The following PRKAG2 variants were observed in gnomAD, a reference collection of about 807,000 sequenced individuals.
PRKAG2 encodes the protein protein kinase AMP-activated non-catalytic subunit gamma 2.
A neutral mutation model predicts 69.6 loss-of-function variants in PRKAG2; 26 were observed. The observed-to-expected ratio is 0.37, with a 90% CI of 0.27 to 0.52. The LOEUF is 0.52. Among genes scored for constraint, PRKAG2 ranks in the 20% least tolerant of loss-of-function variants. The pLI, the probability that PRKAG2 is intolerant of heterozygous loss-of-function variation, is 0.90. For synonymous variants in PRKAG2, 293 were observed against 285.0 expected (o/e 1.03, Z -0.28); for missense variants, 557 against 740.0 (o/e 0.75, Z 2.87).
rs1824914997 is a variant in PRKAG2 at position 151,632,533 on chromosome 7, CGCG to C, written c.685-398_685-396del. The C allele has an allele frequency of 1.0e-6, 1 of 978,670 alleles. No homozygotes were observed. The highest frequency in any genetic ancestry group is 6.2e-5 in the Admixed American group (1 of 16,180). 60.6% of individuals were successfully genotyped at this position (978,670 alleles called of 1,614,324 possible). The stretch of plus-strand genomic sequence containing the variant: ...CGCCGTGCCGCCATTGGGAGAGGCC[CGCG>C]GCCCGCCCCCACTCCGCCCCCCGGC... On this transcript the variant is annotated intron_variant, in intron 4 of 15. Transcript: ENST00000287878. This position sits in a 1 kb window ranked among gnomAD's most constrained non-coding sequence, Gnocchi z 4.2.
intron 3 of PRKAG2, among the ~76,000 whole-genome samples, chr7:151,722,723 A>G (rs1797318343): frequency 6.6e-6 from 1 of 152,098 alleles, no homozygotes; most frequent in African/African-American, 2.4e-5. Flanking sequence ...CCTCCCCACC[A>G]TCAGCCAACA....
At chr7:151,733,449 C>T (rs1052323444) in intron 3 of PRKAG2, among the ~76,000 whole-genome samples, 20 of 152,162 alleles carry the variant, frequency 1.3e-4, no homozygotes, top group Middle Eastern at 3.2e-3. Flanking sequence ...GACAGCCAAC[C>T]GTTAAACACA....
At chr7:151,673,260 T>C (rs1390203576) in intron 4 of PRKAG2, among the ~76,000 whole-genome samples, 2 of 152,214 alleles carry the variant, frequency 1.3e-5, no homozygotes, top group Non-Finnish European at 2.9e-5. Flanking sequence ...TCTTCTTAAA[T>C]GGGGTTATTC....
intron 8 of PRKAG2, 131 bp from the exon 9 acceptor site, chr7:151,572,840 C>T (rs1325143884): frequency 3.4e-5 from 20 of 588,528 alleles, no homozygotes; most frequent in Non-Finnish European, 4.7e-5. Context: ...CGGCCAGGTG[C>T]GGTTGCTCAT....
At chr7:151,841,578 T>TG (rs1359188864) in intron 1 of PRKAG2, among the ~76,000 whole-genome samples, 1 of 145,440 alleles carries the variant, frequency 6.9e-6, no homozygotes, top group African/African-American at 2.6e-5. Context: ...TAGGTAGTGA[T>TG]GGTAGTGATG....
At chr7:151,748,801 T>C (rs1207015405) in intron 3 of PRKAG2, among the ~76,000 whole-genome samples, 1 of 152,238 alleles carries the variant, frequency 6.6e-6, no homozygotes, top group Non-Finnish European at 1.5e-5. Context: ...AACTCCGTCA[T>C]CAGCAGCGGC....
At chr7:151,746,678 G>A (rs920068676) in intron 3 of PRKAG2, among the ~76,000 whole-genome samples, 10 of 152,214 alleles carry the variant, frequency 6.6e-5, no homozygotes, top group African/African-American at 2.4e-4. Flanking sequence ...CCTGGGTGAG[G>A]ACTGAAGGCC....
At chr7:151,809,904 A>T (rs1340705107) in intron 1 of PRKAG2, 1 of 152,248 alleles carries the variant, frequency 6.6e-6, no homozygotes, top group Non-Finnish European at 1.5e-5. Context: ...GGTTTTGGGA[A>T]AGTGCCAGAA....
chr7:151,559,217 T>C (rs6464147), intron 15 of PRKAG2: 724,841 of 968,378 alleles, frequency 0.75, 273,088 homozygotes, highest in East Asian at 0.98. Context: ...CACTGTTGAA[T>C]GCAGCTGTAC....
At chr7:151,827,238 T>C (rs2078922105) in intron 1 of PRKAG2, among the ~76,000 whole-genome samples, 1 of 152,188 alleles carries the variant, frequency 6.6e-6, no homozygotes, top group African/African-American at 2.4e-5. Flanking sequence ...TTCATTTATT[T>C]ATTCATTCAT....
chr7:151,623,729 G>A (rs1243882582), intron 5 of PRKAG2, among the ~76,000 whole-genome samples: 1 of 152,156 alleles, frequency 6.6e-6, no homozygotes, highest in Non-Finnish European at 1.5e-5. Context: ...TTAAGTAGAA[G>A]AAATGAGACT....
At chr7:151,725,710 G>C (rs991123656) in intron 3 of PRKAG2, among the ~76,000 whole-genome samples, 1 of 152,146 alleles carries the variant, frequency 6.6e-6, no homozygotes, top group Non-Finnish European at 1.5e-5. Context: ...CCAGACAGGA[G>C]AAGACAGATA....
At position 151,756,810 on chromosome 7, in the gene PRKAG2, C is replaced by T. The variant is rs1362260805; in HGVS notation, c.466+24342G>A. Reference sequence around the variant, plus strand: ...TTTCCTCACCTTTATAACCACGCAGCCACATAATCAGAACTGTGACGTCCG... The same window carrying T: ...TTTCCTCACCTTTATAACCACGCAGTCACATAATCAGAACTGTGACGTCCG... On this transcript the variant is annotated intron_variant, in intron 3 of 15. Transcript: ENST00000287878. This position sits in a 1 kb window ranked among gnomAD's most constrained non-coding sequence, Gnocchi z 4.9. Among the ~76,000 whole-genome samples, 4 of 152,172 alleles carry T rather than the reference C, an allele frequency of 2.6e-5. No homozygotes were observed. The highest frequency in any genetic ancestry group is 9.7e-5 in the African/African-American group (4 of 41,440).
intron 9 of PRKAG2, chr7:151,572,460 A>G (rs1197663763): frequency 2.2e-6 from 1 of 458,732 alleles, no homozygotes; most frequent in East Asian, 3.7e-5. Flanking sequence ...TGTCCTATAC[A>G]TGTCTATAAA....
chr7:151,595,765 G>A (rs1250224616), intron 5 of PRKAG2, among the ~76,000 whole-genome samples: 1 of 152,168 alleles, frequency 6.6e-6, no homozygotes, highest in Non-Finnish European at 1.5e-5. Context: ...TCTAGAAAAA[G>A]TTCCTAGATC....
rs111349615 is a variant in PRKAG2 at position 151,645,010 on chromosome 7, TATTA to T, written c.685-12876_685-12873del. Among the ~76,000 whole-genome samples the T allele has an allele frequency of 0.015, 2,277 of 152,308 alleles. 106 individuals are homozygous for T. In the East Asian group the frequency reaches 0.19, roughly 13 times the overall value. ...TGTACACATCTTTTGTCTATTTATT[TATTA>T]GAGTTTTTGTTCTTATTGAGTTGTA... On this transcript the variant is annotated intron_variant, in intron 4 of 15. Transcript: ENST00000287878.
intron 3 of PRKAG2, among the ~76,000 whole-genome samples, chr7:151,684,214 GC>G (rs1238057395): frequency 2.0e-5 from 3 of 152,082 alleles, no homozygotes; most frequent in African/African-American, 7.2e-5. Flanking sequence ...GTCGCTCCAG[GC>G]CTGGGCGGTA....
At chr7:151,602,917 G>T (rs920154472) in intron 5 of PRKAG2, among the ~76,000 whole-genome samples, 1 of 152,196 alleles carries the variant, frequency 6.6e-6, no homozygotes, top group South Asian at 2.1e-4. Context: ...GTTCAGCCAT[G>T]ATTGTAAGTT....
intron 1 of PRKAG2, among the ~76,000 whole-genome samples, chr7:151,818,707 C>G (rs929454283): frequency 1.3e-5 from 2 of 152,366 alleles, no homozygotes; most frequent in East Asian, 3.9e-4. Context: ...GAAGAGGGAA[C>G]CCCCTGGGCT....
Sources: allele counts gnomAD v4.1 joint callset (sites outside exome capture counted in the v4.1 genomes callset), GRCh38; gene constraint gnomAD v4.1.1; non-coding constraint Gnocchi (gnomAD v3.1); transcripts MANE v1.5; gene names NCBI Gene and HGNC (gene_info 2026-07-23, HGNC 2026-07-21).